The following ALPK1 variants were observed in gnomAD, a reference collection of about 807,000 sequenced individuals.
ALPK1 encodes alpha-protein kinase 1.
ALPK1 carries 110 observed loss-of-function variants against 120.6 expected under a neutral mutation model. That is an observed-to-expected ratio of 0.91 (90% confidence interval 0.78 to 1.07). ALPK1 has a LOEUF of 1.07. ALPK1 is among the 50% of genes least tolerant of loss of function. The pLI is 0.00. For synonymous variants in ALPK1, 582 were observed against 560.3 expected (o/e 1.04, Z -0.55); for missense variants, 1,498 against 1,483.9 (o/e 1.01, Z -0.16).
At chr4:112,308,415 A>C (rs968137791) in intron 1 of ALPK1, among the ~76,000 whole-genome samples, 2 of 152,090 alleles carry the variant, frequency 1.3e-5, no homozygotes, top group Admixed American at 1.3e-4. Context: ...CTTGTCACAT[A>C]GTCCCATATT....
At chr4:112,416,621 C>T (rs1025901718) in intron 5 of ALPK1, among the ~76,000 whole-genome samples, 11 of 152,078 alleles carry the variant, frequency 7.2e-5, no homozygotes, top group African/African-American at 2.7e-4. Context: ...CACCTGTAAT[C>T]CCAGGACTTT....
intron 13 of ALPK1, 80 bp from the exon 14 acceptor site, chr4:112,439,606 G>A: frequency 7.6e-7 from 1 of 1,316,282 alleles, no homozygotes; most frequent in South Asian, 1.7e-5. Context: ...CAGAGCCTAG[G>A]TTCAAACCAA....
intron 2 of ALPK1, among the ~76,000 whole-genome samples, chr4:112,332,544 C>T (rs968932435): frequency 6.6e-6 from 1 of 152,166 alleles, no homozygotes. Flanking sequence ...TGGCCATGGT[C>T]TATGTCCTGT....
rs978869398 is a variant in ALPK1, at chr4:112,305,076, T to A, written c.-153+7607T>A. ...GATGGTTGTAGAGGTGTGGTATTAT[T>A]TCTAAGGGCTCTGTTCTGTTCCATT... On this transcript the variant is annotated intron_variant, in intron 1 of 15. Coordinates refer to ENST00000650871, the MANE Select transcript of ALPK1 (RefSeq NM_025144.4). Among the ~76,000 whole-genome samples, 105 of 152,226 alleles carry A rather than the reference T, an allele frequency of 6.9e-4. 1 individual carries two copies. The highest frequency in any genetic ancestry group is 2.3e-3 in the African/African-American group (97 of 41,486).
chr4:112,309,383 C>A (rs574586513), intron 1 of ALPK1, among the ~76,000 whole-genome samples: 2 of 152,292 alleles, frequency 1.3e-5, no homozygotes, highest in East Asian at 1.9e-4. Context: ...CCTTGAGCTA[C>A]GGTGGGCTCC....
intron 1 of ALPK1, among the ~76,000 whole-genome samples, chr4:112,297,772 A>G (rs1727605380): frequency 6.6e-6 from 1 of 152,112 alleles, no homozygotes; most frequent in African/African-American, 2.4e-5. Flanking sequence ...TTTTAATAAC[A>G]AGTTTCTTAA....
At chr4:112,408,452 T>G (rs1443429531) in intron 4 of ALPK1, among the ~76,000 whole-genome samples, 2 of 152,064 alleles carry the variant, frequency 1.3e-5, no homozygotes, top group Non-Finnish European at 2.9e-5. Flanking sequence ...TGATTTACAT[T>G]TTATGAATGC....
intron 2 of ALPK1, among the ~76,000 whole-genome samples, chr4:112,325,454 T>C (rs1371340680): frequency 6.6e-6 from 1 of 152,232 alleles, no homozygotes; most frequent in Non-Finnish European, 1.5e-5. Flanking sequence ...GGAATTAAGC[T>C]GAAATATTTT....
chr4:112,359,735 G>C (rs1393362611), intron 2 of ALPK1: 9 of 319,856 alleles, frequency 2.8e-5, no homozygotes, highest in African/African-American at 2.0e-4. Context: ...CAGTATCTGA[G>C]TGGGGCCTCT....
At chr4:112,387,104 A>G (rs1319881108) in intron 4 of ALPK1, among the ~76,000 whole-genome samples, 3 of 152,306 alleles carry the variant, frequency 2.0e-5, no homozygotes. Context: ...GCTTTGGGCC[A>G]TGGCGGTGGA....
rs527826797 is a variant in ALPK1, at chr4:112,318,414, T to C, written c.-101+2562T>C. Among the ~76,000 whole-genome samples, 5 of 152,360 alleles carry C rather than the reference T, an allele frequency of 3.3e-5. No individual in the cohort carries two copies. In the South Asian group the frequency reaches 1.0e-3, roughly 32 times the overall value. ...CATTTCAGAAAAGCTGAGCTACTTA[T>C]TGAAGGTGACACAGATAGTGAGTGT... is the stretch of plus-strand genomic sequence containing the variant. On this transcript the variant is annotated intron_variant, in intron 2 of 15. Transcript: ENST00000650871.
At chr4:112,439,429 A>G (rs148371730) in intron 13 of ALPK1, among the ~76,000 whole-genome samples, 60 of 152,326 alleles carry the variant, frequency 3.9e-4, no homozygotes, top group Non-Finnish European at 7.2e-4. Flanking sequence ...TTAAGTGAGC[A>G]GTTTAATATG....
chr4:112,313,674 G>A (rs1003015974), intron 1 of ALPK1, among the ~76,000 whole-genome samples: 2 of 152,224 alleles, frequency 1.3e-5, no homozygotes, highest in Non-Finnish European at 2.9e-5. Flanking sequence ...AGTGAGTCAA[G>A]ATTGCCTCAT....
chr4:112,347,405 C>G (rs1730145463), intron 2 of ALPK1, among the ~76,000 whole-genome samples: 1 of 152,198 alleles, frequency 6.6e-6, no homozygotes, highest in Admixed American at 6.5e-5. Flanking sequence ...ACCTTCCTCA[C>G]TGTAATCTTA....
At chr4:112,383,195 A>T (rs1276425592) in intron 4 of ALPK1, 1 of 152,120 alleles carries the variant, frequency 6.6e-6, no homozygotes, top group Non-Finnish European at 1.5e-5. Context: ...GATTCTGGGG[A>T]TAACATAGGG....
intron 2 of ALPK1, among the ~76,000 whole-genome samples, chr4:112,362,331 C>A (rs1730951420): frequency 6.6e-6 from 1 of 151,588 alleles, no homozygotes; most frequent in African/African-American, 2.4e-5. Flanking sequence ...TTAAGGAAAT[C>A]AAAAAAATGA....
intron 4 of ALPK1, among the ~76,000 whole-genome samples, chr4:112,387,932 A>G (rs2285701): frequency 0.79 from 120,811 of 152,100 alleles, 48,377 homozygotes; most frequent in African/African-American, 0.91. Context: ...CTCTCCTCCC[A>G]TCATCCACCT....
At chr4:112,357,158 C>T (rs1578495439) in intron 2 of ALPK1, 5 of 1,492,614 alleles carry the variant, frequency 3.3e-6, no homozygotes, top group Middle Eastern at 2.3e-4. Context: ...TGTCACCAAG[C>T]CAGGGAGCTA....
chr4:112,366,271 C>A lies in ALPK1; in HGVS notation c.-100-11407C>A, dbSNP rs149772417. Among the ~76,000 whole-genome samples the A allele has an allele frequency of 3.5e-3, 529 of 151,906 alleles. 3 individuals carry two copies. Among genetic ancestry groups the A allele is most frequent in the Admixed American group, 8.2e-3 (125 of 15,260 alleles). On this transcript the variant is annotated intron_variant, in intron 2 of 15. Transcript: ENST00000650871. ...AGTAACAATCAGCAGAGTAAACAGACAACCTTGAAAATCTTCTCAATCTGT... is the reference window on the plus strand; with the variant it reads ...AGTAACAATCAGCAGAGTAAACAGAAAACCTTGAAAATCTTCTCAATCTGT...
Sources: gnomAD v4.1 joint callset for allele counts (sites outside exome capture counted in the v4.1 genomes callset) on GRCh38, gnomAD v4.1.1 for gene constraint, MANE v1.5 for transcripts, NCBI Gene and HGNC (gene_info 2026-07-23, HGNC 2026-07-21) for gene names.